CHD5: variants seen among roughly 807,000 people sequenced by gnomAD.
The protein encoded by CHD5 is ATP-dependent chromatin remodeler CHD5.
Under a neutral mutation model 230.3 loss-of-function variants are expected in CHD5, and 69 were observed. The observed-to-expected ratio is 0.30, with a 90% CI of 0.25 to 0.37. The LOEUF (loss-of-function observed/expected upper bound fraction) is 0.37. Ranked by LOEUF, CHD5 falls within the 10% of genes least tolerant of loss-of-function variation. The pLI, the probability that CHD5 is intolerant of heterozygous loss-of-function variation, is 1.00. For missense variants in CHD5, 1,827 were observed against 2,622.8 expected, an observed-to-expected ratio of 0.70 and a Z score of 6.63; for synonymous variants, 1,064 against 1,065.9, an observed-to-expected ratio of 1.00 and a Z score of 0.03.
intron 6 of CHD5, among the ~76,000 whole-genome samples, chr1:6,151,557 A>G (rs1239117940): frequency 1.3e-5 from 2 of 152,156 alleles, no homozygotes; most frequent in Non-Finnish European, 2.9e-5. Context: ...GTCCTGTCTG[A>G]CTGGTACATC....
At position 6,148,977 on chromosome 1, in the gene CHD5, G is replaced by A. The variant is rs1028751002; in HGVS notation, c.1260C>T (p.Arg420=). The A allele has an allele frequency of 4.4e-6, 7 of 1,606,660 alleles. No individual in the cohort carries two copies. Among genetic ancestry groups the A allele is most frequent in the Non-Finnish European group, 5.1e-6 (6 of 1,176,840 alleles). Residue 420 remains arginine, a synonymous_variant, in exon 9 of 42, where the codon CGC becomes CGT. Coordinates refer to ENST00000262450, the MANE Select transcript of CHD5 (RefSeq NM_015557.3). ...EEEDDHMEFC[R]VCKDGGELLC... ...GCAGCTCGCCCCCGTCCTTGCACAC[G>A]CGGCAGAACTCCATGTGGTCGTCCT...
chr1:6,162,203 G>C (rs1000655821), intron 2 of CHD5, among the ~76,000 whole-genome samples: 1 of 152,054 alleles, frequency 6.6e-6, no homozygotes, highest in Admixed American at 6.6e-5. Context: ...CCAACTTGGA[G>C]AAACACTTTC....
chr1:6,137,458 C>T (rs1054481385), intron 15 of CHD5, among the ~76,000 whole-genome samples: 1 of 152,126 alleles, frequency 6.6e-6, no homozygotes, highest in Non-Finnish European at 1.5e-5. Flanking sequence ...CCTAACAAAA[C>T]ATACAAGCTC....
Position 6,136,869 on chromosome 1 carries a change from G to C in CHD5, c.2437-4C>G. The C allele has an allele frequency of 6.2e-7, 1 of 1,603,964 alleles. No homozygotes were observed. The highest frequency in any genetic ancestry group is 1.1e-5 in the South Asian group (1 of 89,902). On this transcript the variant is annotated splice_polypyrimidine_tract_variant and splice_region_variant and intron_variant, in intron 15 of 41. Coordinates refer to ENST00000262450, the MANE Select transcript of CHD5 (RefSeq NM_015557.3). ...GGAATTTGATCTGCACTTCTTTCTG[G>C]AGAAAAGAGGGGCATTGGGGATGAG...
In CHD5 at chr1:6,128,844, C is replaced by T. The variant is rs201380508; in HGVS notation, c.3613G>A (p.Val1205Met). Residue 1205 changes from valine to methionine, a missense_variant, in exon 23 of 42, where the codon GTG becomes ATG. This residue lies in a region of CHD5 where 81 missense variants were observed against 245.4 expected (regional missense o/e 0.33). Coordinates refer to ENST00000262450, the MANE Select transcript of CHD5 (RefSeq NM_015557.3). The surrounding 1 kb of genome is among the most constrained non-coding windows in gnomAD (Gnocchi z 7.8). ...CCTCGGAACAGAGGCCCACCCTCCA[C>T]GTCGTCCTTGAAGAGTTCCTCCGTG... ...FGTEELFKDDVEGMMSQGQRP... is the reference protein window; with the variant it reads ...FGTEELFKDDMEGMMSQGQRP... 8.8e-5 allele frequency: 141 copies of T among 1,608,470 alleles called. No homozygotes were observed. The African/African-American group carries it at 1.4e-3, about 16-fold the overall frequency.
chr1:6,157,473 C>T (rs932574080), intron 3 of CHD5, among the ~76,000 whole-genome samples: 2 of 152,214 alleles, frequency 1.3e-5, no homozygotes, highest in Non-Finnish European at 2.9e-5. Context: ...CCCCGAAGCC[C>T]CTTGCCTCTT....
intron 33 of CHD5, among the ~76,000 whole-genome samples, chr1:6,116,341 G>A (rs573772559): frequency 2.0e-5 from 3 of 151,966 alleles, no homozygotes; most frequent in Non-Finnish European, 2.9e-5. Flanking sequence ...ACATAATGAG[G>A]GCAAAGAAAA....
chr1:6,156,661 G>A (rs1195503304), intron 3 of CHD5, among the ~76,000 whole-genome samples: 1 of 152,228 alleles, frequency 6.6e-6, no homozygotes, highest in East Asian at 1.9e-4. Flanking sequence ...GCTGGGGCAG[G>A]GGCATGGGAC....
At chr1:6,110,287 G>A in intron 37 of CHD5, 107 bp downstream of exon 37, 4 of 1,319,900 alleles carry the variant, frequency 3.0e-6, no homozygotes, top group Non-Finnish European at 4.3e-6. Context: ...GCGTGACCCA[G>A]GTACACGGGG....
At chr1:6,132,233 A>G (rs1359931350) in intron 20 of CHD5, among the ~76,000 whole-genome samples, 1 of 152,218 alleles carries the variant, frequency 6.6e-6, no homozygotes, top group East Asian at 1.9e-4. Context: ...ATGACCCCGT[A>G]TAATTCCCTT....
chr1:6,133,584 G>A lies in CHD5; in HGVS notation c.3144+544C>T, dbSNP rs868770169. Reference sequence around the variant, plus strand: ...CCACAGGGTCGGGTACCTGTCCCTTGAGCTGTCTCCCACAGTAGACTGAGC... The same window carrying A: ...CCACAGGGTCGGGTACCTGTCCCTTAAGCTGTCTCCCACAGTAGACTGAGC... On this transcript the variant is annotated intron_variant, in intron 20 of 41. Coordinates refer to ENST00000262450, the MANE Select transcript of CHD5 (RefSeq NM_015557.3). Among the ~76,000 whole-genome samples, 23 of 152,376 alleles carry A rather than the reference G, an allele frequency of 1.5e-4. 1 individual carries two copies. In the Middle Eastern group the frequency reaches 0.024, roughly 158 times the overall value.
chr1:6,172,185 G>A (rs1248266101), intron 1 of CHD5, among the ~76,000 whole-genome samples: 2 of 152,208 alleles, frequency 1.3e-5, no homozygotes, highest in Non-Finnish European at 2.9e-5. Context: ...CCCTTCTCAG[G>A]GTAGCGCATT....
At chr1:6,135,101 T>C in intron 18 of CHD5, 129 bp downstream of exon 18, 1 of 1,133,620 alleles carries the variant, frequency 8.8e-7, no homozygotes, top group African/African-American at 1.5e-5. Context: ...ACGAAGAAAG[T>C]GTATGCAAAG....
In CHD5 at chr1:6,168,125, C is replaced by T. The variant is rs1667282788; in HGVS notation, c.207+25G>A. 6 of 1,583,704 alleles carry T rather than the reference C, an allele frequency of 3.8e-6. No individual in the cohort carries two copies. In the East Asian group the frequency reaches 9.1e-5, roughly 24 times the overall value. On this transcript the variant is annotated intron_variant, in intron 2 of 41. Coordinates refer to ENST00000262450, the MANE Select transcript of CHD5 (RefSeq NM_015557.3). ...GCCACAACCCCACCCGCCCCAAGCT[C>T]GCCGGCGCAGGTGCTGCCCCTCACC... is the stretch of plus-strand genomic sequence containing the variant.
intron 20 of CHD5, among the ~76,000 whole-genome samples, chr1:6,132,940 A>C (rs1478731471): frequency 2.0e-5 from 3 of 149,024 alleles, no homozygotes; most frequent in African/African-American, 7.4e-5. Context: ...TGTCACTCAG[A>C]CTGGAGTGAA....
In CHD5 at chr1:6,146,133, T is replaced by C; in HGVS notation, c.1802+79A>G. The C allele has an allele frequency of 7.0e-7, 1 of 1,423,254 alleles. No individual in the cohort carries two copies. Among genetic ancestry groups the C allele is most frequent in the South Asian group, 1.2e-5 (1 of 81,104 alleles). 88.2% of individuals were successfully genotyped at this position (1,423,254 alleles called of 1,614,324 possible). On this transcript the variant is annotated intron_variant, in intron 11 of 41. Coordinates refer to ENST00000262450, the MANE Select transcript of CHD5 (RefSeq NM_015557.3). The surrounding 1 kb of genome is among the most constrained non-coding windows in gnomAD (Gnocchi z 5.1). ...AAGCAAGGGCCCTGGCACCCTGCGC[T>C]GCACCCATTTTACAGGGCAAAGAAG...
rs1666658095 is a variant in CHD5, at chr1:6,131,555, C to T, written c.3262+76G>A. 7.2e-6 allele frequency: 6 copies of T among 832,084 alleles called. No individual in the cohort carries two copies. The South Asian group carries it at 9.0e-5, about 13-fold the overall frequency. The allele number at this position is 832,084 out of a possible 1,614,324, so 51.5% of individuals were successfully genotyped here. On this transcript the variant is annotated intron_variant, in intron 21 of 41. Transcript: ENST00000262450. This position sits in a 1 kb window ranked among gnomAD's most constrained non-coding sequence, Gnocchi z 5.0. ...GCTCAACACAACACCAGCTGGGTGA[C>T]CTGGCTAAGAACCAGGCCTGGGAGA...
chr1:6,134,708 G>A lies in CHD5; in HGVS notation c.3012+10C>T, dbSNP rs1666713090. 1.2e-6 allele frequency: 2 copies of A among 1,613,892 alleles called. No individual in the cohort carries two copies. The highest frequency in any genetic ancestry group is 1.3e-5 in the African/African-American group (1 of 74,912). On this transcript the variant is annotated intron_variant, in intron 19 of 41. Transcript: ENST00000262450. The surrounding 1 kb of genome is among the most constrained non-coding windows in gnomAD (Gnocchi z 6.3). Reference sequence around the variant, plus strand: ...ATGGAGAAGCTGCCATGATGGCCGGGGAAACCTACCACGGCAGCCACAGGG... The same window carrying A: ...ATGGAGAAGCTGCCATGATGGCCGGAGAAACCTACCACGGCAGCCACAGGG...
Position 6,134,881 on chromosome 1 carries a change from G to C in CHD5, c.2871-22C>G, listed in dbSNP as rs756217273. On this transcript the variant is annotated intron_variant, in intron 18 of 41. Transcript: ENST00000262450. This position sits in a 1 kb window ranked among gnomAD's most constrained non-coding sequence, Gnocchi z 6.3. Reference sequence around the variant, plus strand: ...CTTCCTGCAGCAGGGCACGAGGAAAGGCAGGCTGGGTCAGACCCGCCTCCA... The same window carrying C: ...CTTCCTGCAGCAGGGCACGAGGAAACGCAGGCTGGGTCAGACCCGCCTCCA... 3.1e-6 allele frequency: 5 copies of C among 1,613,764 alleles called. No homozygotes were observed.
Sources: allele counts gnomAD v4.1 joint callset (sites outside exome capture counted in the v4.1 genomes callset), GRCh38; gene constraint gnomAD v4.1.1; regional missense constraint gnomAD v4.1.1; non-coding constraint Gnocchi (gnomAD v3.1); transcripts MANE v1.5; gene names NCBI Gene and HGNC (gene_info 2026-07-23, HGNC 2026-07-21).